Variants in DEPDC5 observed in about 807,000 individuals in gnomAD.
The protein encoded by DEPDC5 is GATOR1 complex protein DEPDC5.
DEPDC5 carries 73 observed loss-of-function variants against 217.3 expected under a neutral mutation model. That is an observed-to-expected ratio of 0.34 (90% CI 0.28 to 0.41). The LOEUF (loss-of-function observed/expected upper bound fraction) is 0.41. Among genes scored for constraint, DEPDC5 ranks in the 10% least tolerant of loss-of-function variants. The pLI, the probability that DEPDC5 is intolerant of heterozygous loss-of-function variation, is 1.00. For missense variants in DEPDC5, 1,675 were observed against 2,070.1 expected, an observed-to-expected ratio of 0.81 and a Z score of 3.70; for synonymous variants, 733 against 756.7, an observed-to-expected ratio of 0.97 and a Z score of 0.51.
rs545387265 is a variant in DEPDC5, at chr22:31,830,621, A to G, written c.2105-3294A>G. ...CTGAAAATATTTGCTTTTTCGGGGT[A>G]TGCGTGTACGTGTGTGTGTGTGTGT... is the stretch of plus-strand genomic sequence containing the variant. On this transcript the variant is annotated intron_variant, in intron 24 of 42. Coordinates refer to ENST00000651528, the MANE Select transcript of DEPDC5 (RefSeq NM_001242896.3). Among the ~76,000 whole-genome samples the G allele has an allele frequency of 1.2e-4, 16 of 131,846 alleles. 1 individual carries two copies. In the South Asian group the frequency reaches 3.3e-3, roughly 27 times the overall value. The allele number at this position is 131,846 out of a possible 152,430, so 86.5% of individuals were successfully genotyped here. A position where few individuals can be genotyped will look rare whatever the true frequency, so the allele number is the denominator to read the frequency against.
intron 7 of DEPDC5, among the ~76,000 whole-genome samples, chr22:31,771,715 T>TCACTCACA (rs1439519983): frequency 2.8e-4 from 22 of 78,050 alleles, no homozygotes; most frequent in Non-Finnish European, 4.8e-4. Flanking sequence ...CAAGACTCCG[T>TCACTCACA]CACACACACA....
At chr22:31,899,232 T>G (rs566755807) in intron 40 of DEPDC5, among the ~76,000 whole-genome samples, 4 of 152,336 alleles carry the variant, frequency 2.6e-5, no homozygotes, top group African/African-American at 9.6e-5. Flanking sequence ...CAATAAGGAT[T>G]TGAATCTAAA....
chr22:31,845,073 G>C lies in DEPDC5; in HGVS notation c.2857G>C (p.Val953Leu). 1 of 1,614,160 alleles carries C rather than the reference G, an allele frequency of 6.2e-7. No homozygotes were observed. ...RTRFLLLPAC[V>L]TATKRITEGE... ...CCGCTTCCTGCTGCTGCCAGCCTGTGTCACCGCCACCAAGCGCATCACGGA... is the reference window on the plus strand; with the variant it reads ...CCGCTTCCTGCTGCTGCCAGCCTGTCTCACCGCCACCAAGCGCATCACGGA... The change falls in exon 30 of 43, where the codon GTC (valine) becomes CTC (leucine). Residue 953 changes from valine (V) to leucine (L), a missense_variant. Physicochemically the swap from Val to Leu is conservative, Grantham distance 32. Coordinates refer to ENST00000651528, the MANE Select transcript of DEPDC5 (RefSeq NM_001242896.3).
chr22:31,846,743 C>T (rs2091758632), intron 30 of DEPDC5, 91 bp from the exon 31 acceptor site: 2 of 1,579,014 alleles, frequency 1.3e-6, no homozygotes, highest in Admixed American at 3.4e-5. Context: ...ATTCCCGGGG[C>T]CTGGGAATGC....
chr22:31,834,161 G>A (rs59122542), intron 25 of DEPDC5, 181 bp downstream of exon 25: 2 of 690,700 alleles, frequency 2.9e-6, no homozygotes, highest in African/African-American at 1.8e-5. Flanking sequence ...AAAGTGAGGG[G>A]GTGTGTGACT....
Position 31,795,613 on chromosome 22 carries a change from C to T in DEPDC5, c.768-1987C>T, listed in dbSNP as rs141255163. Among the ~76,000 whole-genome samples, 1,022 of 151,208 alleles carry T rather than the reference C, an allele frequency of 6.8e-3. 6 individuals carry two copies. The highest frequency in any genetic ancestry group is 0.01 in the Non-Finnish European group (703 of 67,754). On this transcript the variant is annotated intron_variant, in intron 12 of 42. Transcript: ENST00000651528. ...TTCACCATGTTGGCCAGGCTGGTCT[C>T]GAACTCCTGACCTCAGGTGATCCGC... is the stretch of plus-strand genomic sequence containing the variant.
At chr22:31,810,776 T>C in intron 20 of DEPDC5, 135 bp downstream of exon 20, 1 of 1,411,302 alleles carries the variant, frequency 7.1e-7, no homozygotes, top group Admixed American at 2.4e-5. Context: ...TTTTTGTTTG[T>C]TTTGTTTTGT....
chr22:31,779,474 A>G (rs922187005), intron 8 of DEPDC5, among the ~76,000 whole-genome samples: 2 of 152,192 alleles, frequency 1.3e-5, no homozygotes, highest in East Asian at 3.9e-4. Context: ...GAAGTATTGC[A>G]GACAGGTAGG....
At chr22:31,885,903 G>T (rs1293462808) in intron 38 of DEPDC5, among the ~76,000 whole-genome samples, 1 of 151,744 alleles carries the variant, frequency 6.6e-6, no homozygotes, top group African/African-American at 2.4e-5. Flanking sequence ...GTGTGGTGGC[G>T]GGCACATGTA....
intron 36 of DEPDC5, chr22:31,875,113 C>G (rs948885334): frequency 6.1e-6 from 1 of 163,068 alleles, no homozygotes; most frequent in Non-Finnish European, 1.5e-5. Context: ...AGTACTGTTT[C>G]CTTACCAGCT....
At chr22:31,853,926 C>T (rs1254735814) in intron 31 of DEPDC5, among the ~76,000 whole-genome samples, 3 of 152,220 alleles carry the variant, frequency 2.0e-5, no homozygotes, top group Non-Finnish European at 4.4e-5. Context: ...CAGCAATGAG[C>T]CACAGTGTGC....
chr22:31,856,253 A>G (rs1243447189), intron 31 of DEPDC5, among the ~76,000 whole-genome samples: 1 of 151,354 alleles, frequency 6.6e-6, no homozygotes, highest in South Asian at 2.1e-4. Flanking sequence ...ACACACACAC[A>G]CTTCATTGCC....
chr22:31,793,724 C>A lies in DEPDC5; in HGVS notation c.767+907C>A, dbSNP rs565455974. 3.3e-5 allele frequency among the ~76,000 whole-genome samples: 5 copies of A among 152,126 alleles called. No individual in the cohort carries two copies. In the South Asian group the frequency reaches 1.0e-3, roughly 32 times the overall value. Reference sequence around the variant, plus strand: ...AGCTGGGACTACAGGCGCCCGTGACCACGCCTGGCTAATTTTTTTGTATTT... The same window carrying A: ...AGCTGGGACTACAGGCGCCCGTGACAACGCCTGGCTAATTTTTTTGTATTT... On this transcript the variant is annotated intron_variant, in intron 12 of 42. Transcript: ENST00000651528.
At chr22:31,788,356 C>G (rs2085245992) in intron 10 of DEPDC5, among the ~76,000 whole-genome samples, 1 of 148,748 alleles carries the variant, frequency 6.7e-6, no homozygotes, top group South Asian at 2.1e-4. Context: ...TCACTGCAGC[C>G]TTGATCGCCT....
In DEPDC5 at chr22:31,893,663, G is replaced by A. The variant is rs1216211925; in HGVS notation, c.4115G>A (p.Cys1372Tyr). 2 of 1,614,064 alleles carry A rather than the reference G, an allele frequency of 1.2e-6. No individual in the cohort carries two copies. The highest frequency in any genetic ancestry group is 1.7e-6 in the Non-Finnish European group (2 of 1,179,998). The change falls in exon 39 of 43, where the codon TGT (cysteine) becomes TAT (tyrosine). Residue 1372 changes from cysteine to tyrosine, a missense_variant. By Grantham distance (194) the Cys-to-Tyr change is radical. Transcript: ENST00000651528. ...NRTDRLEWCS[C>Y]YYHGNFSLNA... ...ACAGACCGGCTGGAGTGGTGCAGCTGTTATTACCATGGCAACTTTTCTCTG... is the reference window on the plus strand; with the variant it reads ...ACAGACCGGCTGGAGTGGTGCAGCTATTATTACCATGGCAACTTTTCTCTG...
In DEPDC5 at chr22:31,815,385, CTT is replaced by C. The variant is rs10712869; in HGVS notation, c.1666+194_1666+195del. On this transcript the variant is annotated intron_variant, in intron 21 of 42. Transcript: ENST00000651528. Reference sequence around the variant, plus strand: ...TGTTAGCTATGTATATATTATACTTCTTTTTTTTTTTTTTTTTTTTTTGGTGA... The same window carrying C: ...TGTTAGCTATGTATATATTATACTTCTTTTTTTTTTTTTTTTTTTTGGTGA... The C allele has an allele frequency of 0.087, 44,582 of 512,932 alleles. 3 individuals are homozygous for C. The highest frequency in any genetic ancestry group is 0.1 in the Middle Eastern group (198 of 1,938). 31.8% of individuals were successfully genotyped at this position (512,932 alleles called of 1,614,324 possible). A position where few individuals can be genotyped will look rare whatever the true frequency, so the allele number is the denominator to read the frequency against.
At chr22:31,863,341 A>G (rs1469261593) in intron 33 of DEPDC5, among the ~76,000 whole-genome samples, 1 of 151,914 alleles carries the variant, frequency 6.6e-6, no homozygotes, top group Non-Finnish European at 1.5e-5. Flanking sequence ...TAACTTTTGT[A>G]TTATTAGTAG....
At chr22:31,754,835 A>T (rs2075181864) in intron 1 of DEPDC5, 27 bp from the exon 2 acceptor site, 5 of 1,505,156 alleles carry the variant, frequency 3.3e-6, no homozygotes, top group Non-Finnish European at 4.6e-6. Flanking sequence ...TGACATTCCA[A>T]CCTTTTCGTT....
At chr22:31,770,466 T>C (rs1251068377) in intron 7 of DEPDC5, among the ~76,000 whole-genome samples, 2 of 151,268 alleles carry the variant, frequency 1.3e-5, no homozygotes, top group African/African-American at 4.9e-5. Context: ...CTGCAGCCTC[T>C]ACCTCCTGAT....
Sources: allele counts gnomAD v4.1 joint callset (sites outside exome capture counted in the v4.1 genomes callset), GRCh38; gene constraint gnomAD v4.1.1; transcripts MANE v1.5; gene names NCBI Gene and HGNC (gene_info 2026-07-23, HGNC 2026-07-21).